Variants in NME7 observed in about 807,000 individuals in gnomAD.
The protein encoded by NME7 is nucleoside diphosphate kinase 7.
NME7 carries 41 observed loss-of-function variants against 49.1 expected under a neutral mutation model. The ratio of observed to expected loss-of-function variants is 0.83; its 90% confidence interval spans 0.65 to 1.08. The LOEUF is 1.08. NME7 is among the 50% of genes least tolerant of loss of function. The probability of loss-of-function intolerance (pLI) is 0.00; values close to 1 mark genes in which losing one functional copy is unlikely to be tolerated. For missense variants in NME7, 423 were observed against 463.4 expected (o/e 0.91, Z 0.80); for synonymous variants, 139 against 150.6 (o/e 0.92, Z 0.56).
Position 169,354,996 on chromosome 1 carries a change from A to ATAATAT in NME7, c.3+12711_3+12712insATATTA, listed in dbSNP as rs1314919657. 7.6e-4 allele frequency among the ~76,000 whole-genome samples: 35 copies of ATAATAT among 45,796 alleles called. 1 individual carries two copies. The highest frequency in any genetic ancestry group is 1.6e-3 in the African/African-American group (28 of 17,284). 30.0% of individuals were successfully genotyped at this position (45,796 alleles called of 152,430 possible). On this transcript the variant is annotated intron_variant, in intron 1 of 11. Transcript: ENST00000367811. ...AATTATATATGTTTATATATAATAT[A>ATAATAT]ATTATATATGTTTATATATAATATA...
In NME7 at chr1:169,274,705, A is replaced by C. The variant is rs1309103146; in HGVS notation, c.754+12598T>G. 1.5e-5 allele frequency among the ~76,000 whole-genome samples: 2 copies of C among 133,562 alleles called. 1 individual carries two copies. Among genetic ancestry groups the C allele is most frequent in the Non-Finnish European group, 3.5e-5 (2 of 56,880 alleles). The allele number at this position is 133,562 out of a possible 152,430, so 87.6% of individuals were successfully genotyped here. A position where few individuals can be genotyped will look rare whatever the true frequency, so the allele number is the denominator to read the frequency against. ...CATATGGCTAGCCAGTTTTCCCAGC[A>C]CCACTTATTAAATAGGGAATCCTTT... is the stretch of plus-strand genomic sequence containing the variant. On this transcript the variant is annotated intron_variant, in intron 7 of 11. Coordinates refer to ENST00000367811, the MANE Select transcript of NME7 (RefSeq NM_013330.5).
At chr1:169,188,312 T>C (rs1475678022) in intron 10 of NME7, among the ~76,000 whole-genome samples, 3 of 152,198 alleles carry the variant, frequency 2.0e-5, no homozygotes, top group African/African-American at 7.2e-5. Context: ...TTTCATGGCA[T>C]AGGGCAAGCA....
At chr1:169,341,324 T>C (rs571696590) in intron 1 of NME7, among the ~76,000 whole-genome samples, 1 of 152,302 alleles carries the variant, frequency 6.6e-6, no homozygotes, top group Admixed American at 6.5e-5. Context: ...GTGTTGGGAT[T>C]GCAGGTACGC....
Position 169,234,575 on chromosome 1 carries a change from A to T in NME7, c.888+556T>A, listed in dbSNP as rs975889464. Among the ~76,000 whole-genome samples, 3 of 152,156 alleles carry T rather than the reference A, an allele frequency of 2.0e-5. No homozygotes were observed. The East Asian group carries it at 5.8e-4, about 29-fold the overall frequency. ...CAGTTTTACATAATTTATTTCATTT[A>T]ATTCCCACAACAATCTCATAAGGTA... On this transcript the variant is annotated intron_variant, in intron 9 of 11. Transcript: ENST00000367811.
At chr1:169,186,352 T>A (rs1288441237) in intron 10 of NME7, among the ~76,000 whole-genome samples, 1 of 152,162 alleles carries the variant, frequency 6.6e-6, no homozygotes, top group African/African-American at 2.4e-5. Flanking sequence ...ACACACAGGC[T>A]AAGGATTTGA....
At chr1:169,154,179 A>C (rs926424020) in intron 11 of NME7, among the ~76,000 whole-genome samples, 9 of 150,838 alleles carry the variant, frequency 6.0e-5, no homozygotes, top group African/African-American at 2.2e-4. Context: ...ACACCTGGCT[A>C]ATTTTTGTAT....
intron 1 of NME7, among the ~76,000 whole-genome samples, chr1:169,366,351 G>C (rs558888467): frequency 9.1e-4 from 139 of 152,336 alleles, no homozygotes; most frequent in Non-Finnish European, 1.8e-3. Context: ...AAGCCAGACA[G>C]AAGACTTTTG....
intron 10 of NME7, among the ~76,000 whole-genome samples, chr1:169,221,590 T>A (rs916517199): frequency 5.9e-5 from 9 of 152,170 alleles, no homozygotes; most frequent in African/African-American, 1.9e-4. Flanking sequence ...CATATTCAAG[T>A]CTTTATATGC....
intron 3 of NME7, chr1:169,310,871 GTTACTA>G (rs1438726682): frequency 6.6e-6 from 1 of 152,076 alleles, no homozygotes; most frequent in African/African-American, 2.4e-5. Context: ...CACAAATAAT[GTTACTA>G]TTAATATTAT....
At chr1:169,258,419 CACACAT>C (rs1649050173) in intron 7 of NME7, among the ~76,000 whole-genome samples, 2 of 102,600 alleles carry the variant, frequency 1.9e-5, no homozygotes, top group African/African-American at 6.8e-5. Flanking sequence ...CACACACACA[CACACAT>C]ACACACACAC....
intron 7 of NME7, among the ~76,000 whole-genome samples, chr1:169,240,467 CA>C (rs1339794293): frequency 6.6e-6 from 1 of 151,936 alleles, no homozygotes; most frequent in Non-Finnish European, 1.5e-5. Context: ...TAATCTTTTA[CA>C]ATAACTGTGT....
At chr1:169,199,870 A>G (rs1389627621) in intron 10 of NME7, among the ~76,000 whole-genome samples, 2 of 152,146 alleles carry the variant, frequency 1.3e-5, no homozygotes, top group Non-Finnish European at 2.9e-5. Context: ...GCAAATGATA[A>G]AACTGAAAGA....
intron 1 of NME7, among the ~76,000 whole-genome samples, chr1:169,343,451 T>A (rs547485532): frequency 6.6e-6 from 1 of 152,220 alleles, no homozygotes; most frequent in African/African-American, 2.4e-5. Context: ...TCTGTTCCAC[T>A]AATCTATATG....
chr1:169,336,980 C>A (rs1442840494), intron 1 of NME7, among the ~76,000 whole-genome samples: 2 of 152,236 alleles, frequency 1.3e-5, no homozygotes, highest in Non-Finnish European at 2.9e-5. Flanking sequence ...TCCTCCAAGG[C>A]CCCACCAGAC....
chr1:169,202,469 T>C (rs879339285), intron 10 of NME7, among the ~76,000 whole-genome samples: 1 of 152,152 alleles, frequency 6.6e-6, no homozygotes, highest in Non-Finnish European at 1.5e-5. Flanking sequence ...GCCAATTAAA[T>C]CTCTTATTTA....
intron 10 of NME7, among the ~76,000 whole-genome samples, chr1:169,198,353 T>C (rs12724863): frequency 0.37 from 56,352 of 151,876 alleles, 11,019 homozygotes; most frequent in East Asian, 0.73. Flanking sequence ...AATACTACTA[T>C]TAAGAATATA....
intron 1 of NME7, among the ~76,000 whole-genome samples, chr1:169,361,294 A>G (rs1223954364): frequency 1.3e-5 from 2 of 152,262 alleles, no homozygotes; most frequent in Non-Finnish European, 2.9e-5. Flanking sequence ...CCTACTAAAC[A>G]AGAATATAAC....
chr1:169,358,870 C>T lies in NME7; in HGVS notation c.3+8838G>A, dbSNP rs1571420018. 4.6e-5 allele frequency among the ~76,000 whole-genome samples: 7 copies of T among 152,082 alleles called. No homozygotes were observed. In the South Asian group the frequency reaches 1.2e-3, roughly 27 times the overall value. ...GTAGTCTGGCAATGTATATTGAAAG[C>T]CTAAAAATGCACATGACCTCTCGCA... On this transcript the variant is annotated intron_variant, in intron 1 of 11. Coordinates refer to ENST00000367811, the MANE Select transcript of NME7 (RefSeq NM_013330.5).
At position 169,132,835 on chromosome 1, in the gene NME7, A is replaced by G. The variant is rs1658276140; in HGVS notation, c.1099-18T>C. The G allele has an allele frequency of 1.2e-6, 2 of 1,612,370 alleles. No homozygotes were observed. Among genetic ancestry groups the G allele is most frequent in the Non-Finnish European group, 1.7e-6 (2 of 1,179,220 alleles). On this transcript the variant is annotated intron_variant, in intron 11 of 11. Coordinates refer to ENST00000367811, the MANE Select transcript of NME7 (RefSeq NM_013330.5). The stretch of plus-strand genomic sequence containing the variant: ...TATTGAACCTGAAACGGAGAAACAC[A>G]TAATTTCTTAGTTCAGACAAATTTT...
Sources: allele counts gnomAD v4.1 joint callset (sites outside exome capture counted in the v4.1 genomes callset), GRCh38; gene constraint gnomAD v4.1.1; transcripts MANE v1.5; gene names NCBI Gene and HGNC (gene_info 2026-07-23, HGNC 2026-07-21).